The following ANK2 variants were observed in gnomAD, a reference collection of about 807,000 sequenced individuals.
The protein encoded by ANK2 is ankyrin 2.
ANK2 carries 83 observed loss-of-function variants against 360.5 expected under a neutral mutation model. The observed-to-expected ratio is 0.23, with a 90% confidence interval of 0.19 to 0.28. The LOEUF is 0.28. Among genes scored for constraint, ANK2 ranks in the 10% least tolerant of loss-of-function variants. The pLI is 1.00. For synonymous variants in ANK2, 1,740 were observed against 1,759.5 expected, an observed-to-expected ratio of 0.99 and a Z score of 0.28; for missense variants, 4,201 against 4,795.7, an observed-to-expected ratio of 0.88 and a Z score of 3.66.
intron 1 of ANK2, among the ~76,000 whole-genome samples, chr4:113,129,657 T>C (rs1162843247): frequency 6.6e-6 from 1 of 152,192 alleles, no homozygotes; most frequent in Non-Finnish European, 1.5e-5. Flanking sequence ...CAGAAAACTA[T>C]TTTGTTCATA....
At chr4:112,880,078 A>T (rs2076294841) in intron 1 of ANK2, among the ~76,000 whole-genome samples, 1 of 152,016 alleles carries the variant, frequency 6.6e-6, no homozygotes, top group African/African-American at 2.4e-5. Flanking sequence ...TCTCTCTCAC[A>T]CACACACACA....
In ANK2 at chr4:113,363,366, G is replaced by A; in HGVS notation, c.10785G>A (p.Glu3595=). The change falls in exon 40 of 46, where the codon GAG becomes GAA. Residue 3595 remains glutamate, a synonymous_variant. Coordinates refer to ENST00000357077, the MANE Select transcript of ANK2 (RefSeq NM_001148.6). ...TELARELDFT[E]EQIHQIRIEN... is the part of the protein sequence containing the mutation. ...TAGCAAGAGAACTGGATTTCACTGAGGAGCAAATTCATCAAATTCGAATTG... is the reference window on the plus strand; with the variant it reads ...TAGCAAGAGAACTGGATTTCACTGAAGAGCAAATTCATCAAATTCGAATTG... The A allele has an allele frequency of 1.2e-6, 2 of 1,613,338 alleles. No individual in the cohort carries two copies. The highest frequency in any genetic ancestry group is 1.7e-6 in the Non-Finnish European group (2 of 1,179,592).
intron 17 of ANK2, among the ~76,000 whole-genome samples, chr4:113,279,027 T>C (rs2061283124): frequency 6.6e-6 from 1 of 152,170 alleles, no homozygotes; most frequent in African/African-American, 2.4e-5. Flanking sequence ...TCTAAGTCCC[T>C]AGATTCAGAG....
At chr4:112,813,334 A>T (rs1178997533), upstream of ANK2, among the ~76,000 whole-genome samples, 1 of 151,964 alleles carries the variant, frequency 6.6e-6, no homozygotes, top group Non-Finnish European at 1.5e-5. Flanking sequence ...ACAATAAAAC[A>T]CTTCAACATG....
the ANK2 span, among the ~76,000 whole-genome samples, chr4:112,791,995 A>T: frequency 6.6e-6 from 1 of 151,576 alleles, no homozygotes; most frequent in African/African-American, 2.4e-5. Context: ...TTTACAGAAC[A>T]TAAACCACAT....
chr4:112,810,053 A>G, the ANK2 span, among the ~76,000 whole-genome samples: 1 of 148,894 alleles, frequency 6.7e-6, no homozygotes, highest in Non-Finnish European at 1.5e-5. Flanking sequence ...AAGCATTTGG[A>G]GGTAAATTAT....
intron 4 of ANK2, among the ~76,000 whole-genome samples, chr4:113,203,696 T>A (rs539593479): frequency 6.6e-6 from 1 of 152,254 alleles, no homozygotes; most frequent in Admixed American, 6.5e-5. Context: ...GTCTCTAGTG[T>A]GTTGTGTACA....
chr4:112,910,771 A>G lies in ANK2; in HGVS notation c.21+6257A>G, dbSNP rs916611574. Among the ~76,000 whole-genome samples the G allele has an allele frequency of 3.9e-5, 6 of 152,194 alleles. No individual in the cohort carries two copies. In the East Asian group the frequency reaches 7.7e-4, roughly 20 times the overall value. On this transcript the variant is annotated intron_variant, in intron 2 of 30. Coordinates refer to the ANK2 transcript ENST00000503271. The stretch of plus-strand genomic sequence containing the variant: ...TTTTTTACCTTAGAAAGAGGATAAT[A>G]TTTGGAAGACAACTATTAAGAGATT...
At chr4:112,852,848 G>A (rs72669678) in intron 1 of ANK2, among the ~76,000 whole-genome samples, 41 of 152,316 alleles carry the variant, frequency 2.7e-4, no homozygotes, top group Non-Finnish European at 5.1e-4. Context: ...AATGAAGCAG[G>A]AATTTGGAGA....
At position 113,246,769 on chromosome 4, in the gene ANK2, CAT is replaced by C. The variant is rs2043101805; in HGVS notation, c.892-2992_892-2991del. On this transcript the variant is annotated intron_variant, in intron 9 of 45. Coordinates refer to ENST00000357077, the MANE Select transcript of ANK2 (RefSeq NM_001148.6). Reference sequence around the variant, plus strand: ...AATAATGGTTTTCAATTGTCATATGCATATGTTGTTCTAGGCACCCTGCTAAG... The same window carrying C: ...AATAATGGTTTTCAATTGTCATATGCATGTTGTTCTAGGCACCCTGCTAAG... Among the ~76,000 whole-genome samples the C allele has an allele frequency of 2.0e-5, 3 of 152,200 alleles. No individual in the cohort carries two copies. The South Asian group carries it at 6.2e-4, about 32-fold the overall frequency.
chr4:112,867,393 G>A (rs1028392663), intron 1 of ANK2, among the ~76,000 whole-genome samples: 2 of 150,788 alleles, frequency 1.3e-5, no homozygotes, highest in African/African-American at 4.9e-5. Context: ...TATAGGTTTT[G>A]TTTTTTTTAA....
Position 113,282,743 on chromosome 4 carries a change from C to T in ANK2, c.1950C>T (p.Asn650=). 6.2e-7 allele frequency: 1 copy of T among 1,613,914 alleles called. No homozygotes were observed. The highest frequency in any genetic ancestry group is 8.5e-7 in the Non-Finnish European group (1 of 1,179,912). The change falls in exon 18 of 46, where the codon AAC becomes AAT. Residue 650 remains asparagine, a synonymous_variant. Coordinates refer to ENST00000357077, the MANE Select transcript of ANK2 (RefSeq NM_001148.6). ...NQMQIASTLL[N]YGAETNIVTK... Reference sequence around the variant, plus strand: ...TGCAGATAGCTTCCACACTCCTGAACTATGGAGCAGAGACAAACATTGTGA... The same window carrying T: ...TGCAGATAGCTTCCACACTCCTGAATTATGGAGCAGAGACAAACATTGTGA...
intron 1 of ANK2, among the ~76,000 whole-genome samples, chr4:113,140,744 C>T (rs556777009): frequency 1.4e-3 from 212 of 152,040 alleles, no homozygotes; most frequent in Non-Finnish European, 2.5e-3. Context: ...TTTGGGAGGC[C>T]GAGGCAGGTG....
intron 1 of ANK2, among the ~76,000 whole-genome samples, chr4:112,832,661 G>A (rs1442066915): frequency 6.6e-6 from 1 of 152,106 alleles, no homozygotes; most frequent in Non-Finnish European, 1.5e-5. Flanking sequence ...AAGAACATTT[G>A]GCCCAGATGT....
At chr4:113,249,467 ACCAGAAG>A (rs1022946637) in intron 9 of ANK2, among the ~76,000 whole-genome samples, 5 of 152,164 alleles carry the variant, frequency 3.3e-5, no homozygotes, top group African/African-American at 1.2e-4. Context: ...CAGACACATG[ACCAGAAG>A]CCAATTTCAT....
the ANK2 span, among the ~76,000 whole-genome samples, chr4:112,736,190 C>A: frequency 6.6e-6 from 1 of 152,060 alleles, no homozygotes; most frequent in Non-Finnish European, 1.5e-5. Flanking sequence ...GGGCTGGGCG[C>A]GGTGGCTCAT....
At chr4:113,284,143 A>T (rs2063470152) in intron 18 of ANK2, among the ~76,000 whole-genome samples, 1 of 152,218 alleles carries the variant, frequency 6.6e-6, no homozygotes, top group Admixed American at 6.5e-5. Flanking sequence ...CATTTTTATA[A>T]GAACGAACAC....
intron 1 of ANK2, among the ~76,000 whole-genome samples, chr4:113,090,720 A>G (rs902549551): frequency 1.1e-4 from 17 of 152,216 alleles, no homozygotes; most frequent in African/African-American, 4.1e-4. Context: ...AAAGTCTTAA[A>G]TTCTAGCTTC....
chr4:112,817,408 G>C (rs997425031), upstream of ANK2, among the ~76,000 whole-genome samples: 1 of 152,142 alleles, frequency 6.6e-6, no homozygotes, highest in Non-Finnish European at 1.5e-5. Context: ...ATGAATGAAT[G>C]TAAGCCTGAA....
Sources: allele counts gnomAD v4.1 joint callset (sites outside exome capture counted in the v4.1 genomes callset), GRCh38; gene constraint gnomAD v4.1.1; transcripts MANE v1.5; gene names NCBI Gene and HGNC (gene_info 2026-07-23, HGNC 2026-07-21).